Variants in CNTNAP4 observed in about 807,000 individuals in gnomAD.
CNTNAP4 encodes the protein contactin associated protein family member 4.
Under a neutral mutation model 148.4 loss-of-function variants are expected in CNTNAP4, and 98 were observed. The observed-to-expected ratio is 0.66, with a 90% CI of 0.56 to 0.78. The LOEUF is 0.78. Ranked by LOEUF, CNTNAP4 falls within the 30% of genes least tolerant of loss-of-function variation. CNTNAP4 has a pLI of 0.00. For synonymous variants in CNTNAP4, 730 were observed against 565.1 expected (o/e 1.29, Z -4.14); for missense variants, 1,935 against 1,565.6 (o/e 1.24, Z -3.98).
At chr16:76,521,953 G>T (rs2083469905) in intron 16 of CNTNAP4, 86 bp from the exon 17 acceptor site, 1 of 1,173,714 alleles carries the variant, frequency 8.5e-7, no homozygotes. Flanking sequence ...CGATTGTTAC[G>T]CTGTAGTGTG....
At position 76,495,179 on chromosome 16, in the gene CNTNAP4, A is replaced by C; in HGVS notation, c.2237+113A>C. The C allele has an allele frequency of 1.7e-6, 2 of 1,143,586 alleles. 1 individual carries two copies. Among genetic ancestry groups the C allele is most frequent in the African/African-American group, 3.1e-5 (2 of 65,190 alleles). 70.8% of individuals were successfully genotyped at this position (1,143,586 alleles called of 1,614,324 possible). ...ACAAGTTAGTGCAATGAAGTAATTA[A>C]ATAAAGGTTTGTTTTAATGAAACGT... On this transcript the variant is annotated intron_variant, in intron 14 of 23. Coordinates refer to ENST00000611870, the MANE Select transcript of CNTNAP4 (RefSeq NM_033401.5).
rs535594872 is a variant in CNTNAP4, at chr16:76,559,945, G to A, written c.*1262G>A. 8.5e-5 allele frequency among the ~76,000 whole-genome samples: 13 copies of A among 152,236 alleles called. No homozygotes were observed. The highest frequency in any genetic ancestry group is 4.2e-4 in the South Asian group (2 of 4,816). On this transcript the variant is annotated 3_prime_UTR_variant, in exon 24 of 24. Coordinates refer to ENST00000611870, the MANE Select transcript of CNTNAP4 (RefSeq NM_033401.5). The stretch of plus-strand genomic sequence containing the variant: ...GAATTTGTCATTCCAGACACTTCTC[G>A]TCTGAAACGATGGGGTGAATTTCTC...
chr16:76,374,966 A>G (rs2015266753), intron 3 of CNTNAP4, among the ~76,000 whole-genome samples: 3 of 151,776 alleles, frequency 2.0e-5, no homozygotes, highest in African/African-American at 7.3e-5. Flanking sequence ...ATGGGGTTTC[A>G]CCATGTTGGC....
chr16:76,453,662 C>T (rs1209141760), intron 8 of CNTNAP4, among the ~76,000 whole-genome samples: 1 of 151,784 alleles, frequency 6.6e-6, no homozygotes, highest in Non-Finnish European at 1.5e-5. Flanking sequence ...TGGAATGTAA[C>T]TTGGAGAGGA....
chr16:76,467,288 G>T (rs1251195431), intron 9 of CNTNAP4, 64 bp from the exon 10 acceptor site: 1 of 1,417,506 alleles, frequency 7.1e-7, no homozygotes, highest in African/African-American at 1.4e-5. Flanking sequence ...TTTAAATGAA[G>T]TTATCTATGA....
intron 8 of CNTNAP4, among the ~76,000 whole-genome samples, chr16:76,460,664 A>G: frequency 7.1e-6 from 1 of 140,648 alleles, no homozygotes; most frequent in South Asian, 2.4e-4. Context: ...ATTGAAGGAG[A>G]GTGGCTTGAA....
intron 15 of CNTNAP4, among the ~76,000 whole-genome samples, chr16:76,514,251 T>A (rs1283856439): frequency 6.6e-6 from 1 of 152,198 alleles, no homozygotes; most frequent in Non-Finnish European, 1.5e-5. Flanking sequence ...AGATAAGTGT[T>A]ACTTATCTCA....
intron 4 of CNTNAP4, among the ~76,000 whole-genome samples, chr16:76,443,632 A>G (rs1052156165): frequency 6.6e-6 from 1 of 152,174 alleles, no homozygotes; most frequent in Non-Finnish European, 1.5e-5. Flanking sequence ...AGATAGGAGT[A>G]AGTATGATAT....
chr16:76,342,261 A>G (rs1200009472), intron 2 of CNTNAP4, among the ~76,000 whole-genome samples: 1 of 152,136 alleles, frequency 6.6e-6, no homozygotes, highest in African/African-American at 2.4e-5. Flanking sequence ...CCAGGCTTGC[A>G]TTTAATTTTG....
intron 1 of CNTNAP4, among the ~76,000 whole-genome samples, chr16:76,300,849 C>T (rs371537811): frequency 2.6e-5 from 4 of 152,166 alleles, no homozygotes; most frequent in East Asian, 1.9e-4. Flanking sequence ...ACATTAGACA[C>T]TATGACATAT....
rs772774812 is a variant in CNTNAP4, at chr16:76,553,862, G to A, written c.3688G>A (p.Glu1230Lys). The change falls in exon 23 of 24, where the codon GAG becomes AAG. Residue 1230 changes from glutamate (E) to lysine (K), a missense_variant. Coordinates refer to ENST00000611870, the MANE Select transcript of CNTNAP4 (RefSeq NM_033401.5). Reference sequence around the variant, plus strand: ...TCATTCTGGAACAATAGATGACAGAGAGCCCCTTGCTAATGCAATCAAAAG... The same window carrying A: ...TCATTCTGGAACAATAGATGACAGAAAGCCCCTTGCTAATGCAATCAAAAG... ...ADHSGTIDDR[E>K]PLANAIKSDS... 1.9e-6 allele frequency: 3 copies of A among 1,612,354 alleles called. No homozygotes were observed. The highest frequency in any genetic ancestry group is 2.5e-6 in the Non-Finnish European group (3 of 1,178,640).
intron 21 of CNTNAP4, among the ~76,000 whole-genome samples, chr16:76,549,381 C>T (rs1023120408): frequency 6.6e-6 from 1 of 152,116 alleles, no homozygotes; most frequent in African/African-American, 2.4e-5. Flanking sequence ...AGCTCTGCTC[C>T]TGGTCCACCC....
At chr16:76,468,511 A>C (rs2081256029) in intron 10 of CNTNAP4, among the ~76,000 whole-genome samples, 1 of 152,036 alleles carries the variant, frequency 6.6e-6, no homozygotes, top group Admixed American at 6.6e-5. Context: ...TTTTTGAGAC[A>C]AGGTCTGGCT....
intron 15 of CNTNAP4, among the ~76,000 whole-genome samples, chr16:76,518,472 T>C (rs1178524356): frequency 1.3e-5 from 2 of 152,176 alleles, no homozygotes; most frequent in African/African-American, 2.4e-5. Context: ...TTGAATTGAA[T>C]TGACAATGAT....
At chr16:76,490,921 A>T (rs1280328362) in intron 13 of CNTNAP4, among the ~76,000 whole-genome samples, 1 of 152,204 alleles carries the variant, frequency 6.6e-6, no homozygotes, top group African/African-American at 2.4e-5. Flanking sequence ...GCTTGTCCTA[A>T]GAAGGGCTGG....
At chr16:76,452,414 C>T (rs531400109) in intron 7 of CNTNAP4, 94 bp from the exon 8 acceptor site, 6 of 1,269,906 alleles carry the variant, frequency 4.7e-6, no homozygotes, top group Admixed American at 2.0e-5. Context: ...TTTTAAATCG[C>T]GGATAATGTG....
intron 16 of CNTNAP4, among the ~76,000 whole-genome samples, chr16:76,521,574 A>T (rs1167273142): frequency 3.3e-5 from 5 of 152,152 alleles, no homozygotes; most frequent in Admixed American, 3.3e-4. Flanking sequence ...CTAAAACACA[A>T]TTTTTTAGTT....
intron 1 of CNTNAP4, among the ~76,000 whole-genome samples, chr16:76,294,552 A>G (rs1309101243): frequency 6.6e-6 from 1 of 152,208 alleles, no homozygotes; most frequent in African/African-American, 2.4e-5. Context: ...AATTGTATCT[A>G]AGAAAGAAAG....
intron 15 of CNTNAP4, among the ~76,000 whole-genome samples, chr16:76,506,503 C>T (rs1350081559): frequency 2.0e-5 from 1 of 49,976 alleles, no homozygotes; most frequent in Admixed American, 3.3e-4. Context: ...TTTTTTTTGA[C>T]AGAATTGCCC....
Sources: gnomAD v4.1 joint callset for allele counts (sites outside exome capture counted in the v4.1 genomes callset) on GRCh38, gnomAD v4.1.1 for gene constraint, MANE v1.5 for transcripts, NCBI Gene and HGNC (gene_info 2026-07-23, HGNC 2026-07-21) for gene names.